DNHD1: variants seen among roughly 807,000 people sequenced by gnomAD.
DNHD1 encodes the protein dynein heavy chain domain-containing protein 1.
DNHD1 carries 383 observed loss-of-function variants against 458.1 expected under a neutral mutation model. The observed-to-expected ratio is 0.84, with a 90% CI of 0.77 to 0.91. DNHD1 has a LOEUF of 0.91. Among genes scored for constraint, DNHD1 ranks in the 40% least tolerant of loss-of-function variants. The pLI is 0.00. For missense variants in DNHD1, 5,336 were observed against 5,866.1 expected, an observed-to-expected ratio of 0.91 and a Z score of 2.95; for synonymous variants, 2,203 against 2,376.9, an observed-to-expected ratio of 0.93 and a Z score of 2.13.
At chr11:6,555,304 C>T (rs981842963) in intron 24 of DNHD1, among the ~76,000 whole-genome samples, 1 of 152,106 alleles carries the variant, frequency 6.6e-6, no homozygotes, top group African/African-American at 2.4e-5. Context: ...GATCTCCCGG[C>T]TCATTATGCC....
chr11:6,567,498 C>T lies in DNHD1; in HGVS notation c.11989C>T (p.Pro3997Ser). ...WHECEMLELL[P>S]PFVGLCASLA... ...TGAATGTGAGATGTTAGAGCTGCTG[C>T]CCCCATTTGTTGGCCTGTGTGCCTC... The change falls in exon 36 of 43, where the codon CCC becomes TCC. Residue 3997 changes from proline (P) to serine (S), a missense_variant. This residue lies in a region of DNHD1 where 695 missense variants were observed against 804.2 expected (regional missense o/e 0.86). Coordinates refer to ENST00000254579, the MANE Select transcript of DNHD1 (RefSeq NM_144666.3). The T allele has an allele frequency of 1.2e-6, 2 of 1,613,656 alleles. No individual in the cohort carries two copies. Among genetic ancestry groups the T allele is most frequent in the Non-Finnish European group, 1.7e-6 (2 of 1,179,734 alleles).
chr11:6,569,948 C>T lies in DNHD1; in HGVS notation c.12864-61C>T, dbSNP rs771382659. The T allele has an allele frequency of 5.5e-6, 8 of 1,456,544 alleles. No homozygotes were observed. The African/African-American group carries it at 7.0e-5, about 13-fold the overall frequency. 90.2% of individuals were successfully genotyped at this position (1,456,544 alleles called of 1,614,324 possible). ...AGAGAGGTTTGAACTGAAGACAAGACTTGACAGTCCTCAGCATATAGATGA... is the reference window on the plus strand; with the variant it reads ...AGAGAGGTTTGAACTGAAGACAAGATTTGACAGTCCTCAGCATATAGATGA... On this transcript the variant is annotated intron_variant, in intron 39 of 42. Coordinates refer to ENST00000254579, the MANE Select transcript of DNHD1 (RefSeq NM_144666.3).
rs1312086575 is a variant in DNHD1 at position 6,568,806 on chromosome 11, A to C, written c.12803A>C (p.His4268Pro). 1 of 1,613,324 alleles carries C rather than the reference A, an allele frequency of 6.2e-7. No individual in the cohort carries two copies. The highest frequency in any genetic ancestry group is 2.2e-5 in the East Asian group (1 of 44,838). ...PTQALPLLLL[H>P]GLLLHRQLYG... is the part of the protein sequence containing the mutation. ...CAGGCACTACCTCTGCTCCTCCTCC[A>C]TGGCCTCCTGCTACACCGGCAGCTC... Residue 4268 changes from histidine (H) to proline (P), a missense_variant, in exon 39 of 43, where the codon CAT (histidine) becomes CCT (proline). By Grantham distance (77) the His-to-Pro change is moderately conservative. This residue lies in a region of DNHD1 where 698 missense variants were observed against 664.9 expected (regional missense o/e 1.05). Coordinates refer to ENST00000254579, the MANE Select transcript of DNHD1 (RefSeq NM_144666.3).
In DNHD1 at chr11:6,520,450, T is replaced by C. The variant is rs1852583314; in HGVS notation, c.1837+161T>C. The C allele has an allele frequency of 5.5e-6, 8 of 1,464,626 alleles. No homozygotes were observed. In the East Asian group the frequency reaches 2.0e-4, roughly 37 times the overall value. The allele number at this position is 1,464,626 out of a possible 1,614,324, so 90.7% of individuals were successfully genotyped here. A position where few individuals can be genotyped will look rare whatever the true frequency, so the allele number is the denominator to read the frequency against. On this transcript the variant is annotated intron_variant, in intron 10 of 42. Transcript: ENST00000254579. ...GGGTACTGCACATATGTGTTGTGGG[T>C]AGAAAGGTCAGGGAATGTTTTTGCT...
In DNHD1 at chr11:6,547,265, G is replaced by A; in HGVS notation, c.6326G>A (p.Ser2109Asn). The A allele has an allele frequency of 6.4e-7, 1 of 1,551,778 alleles. No individual in the cohort carries two copies. Among genetic ancestry groups the A allele is most frequent in the Non-Finnish European group, 8.7e-7 (1 of 1,146,974 alleles). The change falls in exon 21 of 43, where the codon AGT becomes AAT. Residue 2109 changes from serine (S) to asparagine (N), a missense_variant. Physicochemically the swap from Ser to Asn is conservative, Grantham distance 46. This residue lies in a region of DNHD1 where 3,932 missense variants were observed against 4,365.6 expected (regional missense o/e 0.90). Coordinates refer to ENST00000254579, the MANE Select transcript of DNHD1 (RefSeq NM_144666.3). ...CTCCTGAGTGAGCTTCCCCAGCTTA[G>A]TCTCCCCAGTGGACAGCAGATAGCA... Reference protein sequence around the residue: ...TCLLSELPQLSLPSGQQIARP... With the variant: ...TCLLSELPQLNLPSGQQIARP...
rs1333937769 is a variant in DNHD1, at chr11:6,505,839, C to T, written c.920+2913C>T. 6.6e-6 allele frequency among the ~76,000 whole-genome samples: 1 copy of T among 152,178 alleles called. No individual in the cohort carries two copies. The highest frequency in any genetic ancestry group is 1.9e-4 in the East Asian group (1 of 5,202). ...CTTGTGGTTGAATGTGATACTGACA[C>T]CTAGTGGCTGCTACACTTGACTGTC... On this transcript the variant is annotated intron_variant, in intron 4 of 42. Coordinates refer to ENST00000254579, the MANE Select transcript of DNHD1 (RefSeq NM_144666.3). The surrounding 1 kb of genome is among the most constrained non-coding windows in gnomAD (Gnocchi z 4.4).
chr11:6,552,525 A>C (rs1853379212), intron 24 of DNHD1, among the ~76,000 whole-genome samples: 1 of 152,022 alleles, frequency 6.6e-6, no homozygotes, highest in Non-Finnish European at 1.5e-5. Flanking sequence ...ACTTCGTCCC[A>C]AAAAATATAT....
At chr11:6,520,711 G>A in intron 10 of DNHD1, 1 of 1,015,632 alleles carries the variant, frequency 9.8e-7, no homozygotes, top group Non-Finnish European at 1.2e-6. Flanking sequence ...ATTTCATATG[G>A]ATTAATTCAT....
At position 6,498,118 on chromosome 11, in the gene DNHD1, A is replaced by T; in HGVS notation, c.-98A>T. 1 of 1,525,918 alleles carries T rather than the reference A, an allele frequency of 6.6e-7. No individual in the cohort carries two copies. The highest frequency in any genetic ancestry group is 2.3e-5 in the East Asian group (1 of 44,288). 94.5% of individuals were successfully genotyped at this position (1,525,918 alleles called of 1,614,324 possible). On this transcript the variant is annotated 5_prime_UTR_variant, in exon 3 of 43. It removes an upstream start codon present in the reference 5' UTR. Transcript: ENST00000254579. ...TCTGGCCCCTCTGCTGGGCTGGCCC[A>T]TGCAGGTGAGGCCCCGCATCTGGCA...
At position 6,557,353 on chromosome 11, in the gene DNHD1, C is replaced by T. The variant is rs1180350669; in HGVS notation, c.8058C>T (p.Pro2686=). The T allele has an allele frequency of 6.4e-7, 1 of 1,551,292 alleles. No homozygotes were observed. The highest frequency in any genetic ancestry group is 8.7e-7 in the Non-Finnish European group (1 of 1,147,044). The change falls in exon 25 of 43, where the codon CCC becomes CCT. Residue 2686 remains proline (P), a synonymous_variant. Coordinates refer to ENST00000254579, the MANE Select transcript of DNHD1 (RefSeq NM_144666.3). ...GTGTCTTCTGCTGTGGGCCAGGGCC[C>T]CAGCACCTGGGCAAGGACCATCAGG... ...AQSVFCCGPG[P]QHLGKDHQES... is the part of the protein sequence containing the mutation.
At chr11:6,499,128 C>A (rs1241938924) in intron 3 of DNHD1, among the ~76,000 whole-genome samples, 167 bp downstream of exon 3, 2 of 152,190 alleles carry the variant, frequency 1.3e-5, no homozygotes. Flanking sequence ...TCCTTTTTCT[C>A]TGCAAAATAA....
At chr11:6,534,231 T>G in intron 14 of DNHD1, 58 bp downstream of exon 14, 1 of 1,501,342 alleles carries the variant, frequency 6.7e-7, no homozygotes, top group Non-Finnish European at 8.9e-7. Flanking sequence ...TCAACTGAAG[T>G]AAGAGTTGGA....
chr11:6,502,484 A>G (rs1021634624), intron 3 of DNHD1, among the ~76,000 whole-genome samples: 2 of 152,228 alleles, frequency 1.3e-5, no homozygotes, highest in Non-Finnish European at 2.9e-5. Flanking sequence ...ATCAATCCAG[A>G]ATGATTATTT....
chr11:6,571,113 C>A lies in DNHD1; in HGVS notation c.13601C>A (p.Pro4534His), dbSNP rs757874511. ...VAHALWTGRL[P>H]LPWRPHAPAG... ...CACGCTCTCTGGACTGGCCGCCTACCCTTGCCTTGGCGACCTCATGCGCCG... is the reference window on the plus strand; with the variant it reads ...CACGCTCTCTGGACTGGCCGCCTACACTTGCCTTGGCGACCTCATGCGCCG... Residue 4534 changes from proline (P) to histidine (H), a missense_variant, in exon 42 of 43, where the codon CCC (proline) becomes CAC (histidine). Around this residue, in one of 4 missense-constraint regions of DNHD1, gnomAD observed 698 missense variants for 664.9 expected, o/e 1.05. Coordinates refer to ENST00000254579, the MANE Select transcript of DNHD1 (RefSeq NM_144666.3). This position sits in a 1 kb window ranked among gnomAD's most constrained non-coding sequence, Gnocchi z 5.0. 1.9e-6 allele frequency: 3 copies of A among 1,599,960 alleles called. No individual in the cohort carries two copies. In the African/African-American group the frequency reaches 4.0e-5, roughly 21 times the overall value.
At chr11:6,553,008 T>C (rs1303891782) in intron 24 of DNHD1, among the ~76,000 whole-genome samples, 1 of 152,352 alleles carries the variant, frequency 6.6e-6, no homozygotes, top group African/African-American at 2.4e-5. Flanking sequence ...AACTTATATA[T>C]ACTTTTTCAG....
In DNHD1 at chr11:6,567,841, T is replaced by G; in HGVS notation, c.12332T>G (p.Leu4111Arg). Residue 4111 changes from leucine (L) to arginine (R), a missense_variant, in exon 36 of 43, where the codon CTG (leucine) becomes CGG (arginine). By Grantham distance (102) the Leu-to-Arg change is moderately radical (BLOSUM62 -2). Coordinates refer to ENST00000254579, the MANE Select transcript of DNHD1 (RefSeq NM_144666.3). ...TLHPLTVIQK[L>R]AAKYQQGQKQ... ...CATCCTCTGACTGTCATCCAGAAAC[T>G]GGCTGCCAAGTATCAGCAGGTTTGA... 6.2e-7 allele frequency: 1 copy of G among 1,612,184 alleles called. No homozygotes were observed. Among genetic ancestry groups the G allele is most frequent in the South Asian group, 1.1e-5 (1 of 91,074 alleles).
chr11:6,548,576 CTT>C lies in DNHD1; in HGVS notation c.7099-66_7099-65del. The C allele has an allele frequency of 1.3e-6, 2 of 1,528,734 alleles. No individual in the cohort carries two copies. The highest frequency in any genetic ancestry group is 2.5e-5 in the East Asian group (1 of 40,790). 94.7% of individuals were successfully genotyped at this position (1,528,734 alleles called of 1,614,324 possible). A position where few individuals can be genotyped will look rare whatever the true frequency, so the allele number is the denominator to read the frequency against. ...ACAGCTCTAGGACAAGTCCCTTAGA[CTT>C]TTATTTTCAGCTAGATTACTGTCTT... is the stretch of plus-strand genomic sequence containing the variant. On this transcript the variant is annotated intron_variant, in intron 23 of 42. Transcript: ENST00000254579. The surrounding 1 kb of genome is among the most constrained non-coding windows in gnomAD (Gnocchi z 4.4).
chr11:6,543,506 C>T (rs1203212328), intron 18 of DNHD1, among the ~76,000 whole-genome samples: 1 of 124,380 alleles, frequency 8.0e-6, no homozygotes, highest in Non-Finnish European at 1.9e-5. Flanking sequence ...TTACAAAGCA[C>T]TTCCATGGAG....
chr11:6,556,371 C>A (rs372931214), intron 24 of DNHD1, among the ~76,000 whole-genome samples: 1 of 152,206 alleles, frequency 6.6e-6, no homozygotes, highest in African/African-American at 2.4e-5. Flanking sequence ...GATCTGGTTT[C>A]TATCCTTCTC....
Sources: allele counts gnomAD v4.1 joint callset (sites outside exome capture counted in the v4.1 genomes callset), GRCh38; gene constraint gnomAD v4.1.1; regional missense constraint gnomAD v4.1.1; non-coding constraint Gnocchi (gnomAD v3.1); transcripts MANE v1.5; gene names NCBI Gene and HGNC (gene_info 2026-07-23, HGNC 2026-07-21).